SEPTIN9: variants seen among roughly 807,000 people sequenced by gnomAD.
The protein encoded by SEPTIN9 is septin 9, also known as septin-9.
Under a neutral mutation model 56.6 loss-of-function variants are expected in SEPTIN9, and 13 were observed. The ratio of observed to expected loss-of-function variants is 0.23; its 90% CI spans 0.15 to 0.37. SEPTIN9 has a LOEUF of 0.37. Ranked by LOEUF, SEPTIN9 falls within the 10% of genes least tolerant of loss-of-function variation. The probability of loss-of-function intolerance (pLI) is 1.00; values close to 1 mark genes in which losing one functional copy is unlikely to be tolerated. For synonymous variants in SEPTIN9, 332 were observed against 334.1 expected (o/e 0.99, Z 0.07); for missense variants, 650 against 823.1 (o/e 0.79, Z 2.57).
intron 3 of SEPTIN9, among the ~76,000 whole-genome samples, chr17:77,464,974 C>T (rs973116597): frequency 2.6e-5 from 4 of 152,196 alleles, no homozygotes; most frequent in Non-Finnish European, 5.9e-5. Context: ...AGAGACCCTG[C>T]CCCCATTAGC....
At position 77,390,552 on chromosome 17, in the gene SEPTIN9, C is replaced by T. The variant is rs374346014; in HGVS notation, c.77-11507C>T. 5.7e-4 allele frequency among the ~76,000 whole-genome samples: 85 copies of T among 148,266 alleles called. 1 individual carries two copies. In the South Asian group the frequency reaches 0.01, roughly 18 times the overall value. On this transcript the variant is annotated intron_variant, in intron 2 of 11. Coordinates refer to ENST00000427177, the MANE Select transcript of SEPTIN9 (RefSeq NM_001113491.2). ...CTGCAAGCTCCGCCTCCCGGGTTCA[C>T]GCCATTCTCCTGCCTCAGCCTCCCG...
At chr17:77,491,353 A>G (rs971681805) in intron 8 of SEPTIN9, among the ~76,000 whole-genome samples, 4 of 151,750 alleles carry the variant, frequency 2.6e-5, no homozygotes, top group Admixed American at 2.6e-4. Flanking sequence ...GCACACCACC[A>G]TGTCTGGCTA....
chr17:77,334,440 A>AAAAAAAAAAT (rs2033469284), intron 2 of SEPTIN9, among the ~76,000 whole-genome samples: 1 of 151,788 alleles, frequency 6.6e-6, no homozygotes. Context: ...AAAAAAAAAA[A>AAAAAAAAAAT]AATGTTGTTT....
intron 1 of SEPTIN9, among the ~76,000 whole-genome samples, chr17:77,304,819 C>G (rs1445999946): frequency 1.3e-5 from 2 of 152,106 alleles, no homozygotes; most frequent in Non-Finnish European, 2.9e-5. Context: ...GATAGTGACC[C>G]CGTGTGCGTT....
intron 3 of SEPTIN9, among the ~76,000 whole-genome samples, chr17:77,471,228 G>A (rs913462818): frequency 6.6e-6 from 1 of 152,114 alleles, no homozygotes; most frequent in African/African-American, 2.4e-5. Context: ...GGGTCATTTA[G>A]TCAGGCTCCT....
chr17:77,495,237 G>C (rs1324159802), intron 10 of SEPTIN9, among the ~76,000 whole-genome samples: 4 of 152,220 alleles, frequency 2.6e-5, no homozygotes, highest in Non-Finnish European at 4.4e-5. Flanking sequence ...ACTGGCTCCA[G>C]CTGAGGAAGA....
chr17:77,439,521 C>T (rs948057787), intron 3 of SEPTIN9, among the ~76,000 whole-genome samples: 2 of 152,186 alleles, frequency 1.3e-5, no homozygotes, highest in Admixed American at 1.3e-4. Context: ...GGCGTCCCCA[C>T]CTTGCCGCAG....
intron 10 of SEPTIN9, among the ~76,000 whole-genome samples, chr17:77,496,878 T>C (rs746021622): frequency 6.6e-5 from 10 of 152,216 alleles, no homozygotes; most frequent in Admixed American, 2.6e-4. Flanking sequence ...CCAGCTCCGA[T>C]TCCTGCTTCA....
Position 77,407,988 on chromosome 17 carries a change from C to A in SEPTIN9, c.721+5285C>A, listed in dbSNP as rs191550325. 3.7e-3 allele frequency among the ~76,000 whole-genome samples: 559 copies of A among 151,764 alleles called. 1 individual carries two copies. Among genetic ancestry groups the A allele is most frequent in the African/African-American group, 0.013 (528 of 41,424 alleles). ...TCAGAGCCCCCCCCACCAGAGTTACCCCCCTCCGGCTCCTCAGCCACACCA... is the reference window on the plus strand; with the variant it reads ...TCAGAGCCCCCCCCACCAGAGTTACACCCCTCCGGCTCCTCAGCCACACCA... On this transcript the variant is annotated intron_variant, in intron 3 of 11. Coordinates refer to ENST00000427177, the MANE Select transcript of SEPTIN9 (RefSeq NM_001113491.2).
intron 2 of SEPTIN9, among the ~76,000 whole-genome samples, chr17:77,312,596 ATGCTTTCCTGG>A (rs961064646): frequency 6.6e-6 from 1 of 152,162 alleles, no homozygotes; most frequent in Non-Finnish European, 1.5e-5. Flanking sequence ...CCACGGCGGG[ATGCTTTCCTGG>A]TGCGTGGCAG....
chr17:77,286,005 C>T (rs562574452), intron 1 of SEPTIN9, among the ~76,000 whole-genome samples: 2 of 152,246 alleles, frequency 1.3e-5, no homozygotes, highest in Non-Finnish European at 2.9e-5. Flanking sequence ...GTTTCTTCCT[C>T]TTCTCCCCCA....
In SEPTIN9 at chr17:77,475,575, C is replaced by G; in HGVS notation, c.722-6569C>G. The G allele has an allele frequency of 6.2e-7, 1 of 1,613,440 alleles. No homozygotes were observed. The highest frequency in any genetic ancestry group is 8.5e-7 in the Non-Finnish European group (1 of 1,179,830). On this transcript the variant is annotated intron_variant, in intron 3 of 11. Transcript: ENST00000427177. This position sits in a 1 kb window ranked among gnomAD's most constrained non-coding sequence, Gnocchi z 4.6. ...TGGCCGTAGGGCTGCCGCAGGGGTG[C>G]TGGCCCCAGGGTCTGGATTCAGGGG...
chr17:77,491,317 G>C (rs2040016045), intron 8 of SEPTIN9, among the ~76,000 whole-genome samples: 1 of 151,950 alleles, frequency 6.6e-6, no homozygotes, highest in African/African-American at 2.4e-5. Flanking sequence ...CCCAGGCTCA[G>C]TCCCCGAGTA....
rs1714096763 is a variant in SEPTIN9, at chr17:77,375,962, G to C, written c.77-26097G>C. 4 of 314,224 alleles carry C rather than the reference G, an allele frequency of 1.3e-5. No homozygotes were observed. In the Admixed American group the frequency reaches 2.6e-4, roughly 20 times the overall value. The allele number at this position is 314,224 out of a possible 1,614,324, so 19.5% of individuals were successfully genotyped here. A position where few individuals can be genotyped will look rare whatever the true frequency, so the allele number is the denominator to read the frequency against. The stretch of plus-strand genomic sequence containing the variant: ...CAACCTTGGGTGGACAGACAGACGT[G>C]GGGAAGGGATGATTGAAGGAGGTGG... On this transcript the variant is annotated intron_variant, in intron 2 of 11. Transcript: ENST00000427177.
chr17:77,350,771 G>C (rs2034034823), intron 2 of SEPTIN9, among the ~76,000 whole-genome samples: 1 of 152,232 alleles, frequency 6.6e-6, no homozygotes, highest in Non-Finnish European at 1.5e-5. Context: ...GGTGGGAACA[G>C]GAGGTGGGTA....
At position 77,435,042 on chromosome 17, in the gene SEPTIN9, T is replaced by C. The variant is rs1303624292; in HGVS notation, c.721+32339T>C. On this transcript the variant is annotated intron_variant, in intron 3 of 11. Transcript: ENST00000427177. The surrounding 1 kb of genome is among the most constrained non-coding windows in gnomAD (Gnocchi z 4.5). ...GGCTTCCTGAGGACCCCGAGCTGTCTTAAGGGCTCTTTACCTGGAGTAAGT... is the reference window on the plus strand; with the variant it reads ...GGCTTCCTGAGGACCCCGAGCTGTCCTAAGGGCTCTTTACCTGGAGTAAGT... Among the ~76,000 whole-genome samples the C allele has an allele frequency of 6.6e-6, 1 of 152,174 alleles. No individual in the cohort carries two copies. Among genetic ancestry groups the C allele is most frequent in the Non-Finnish European group, 1.5e-5 (1 of 68,026 alleles).
rs147676222 is a variant in SEPTIN9 at position 77,331,783 on chromosome 17, G to A, written c.76+24586G>A. 5.9e-3 allele frequency among the ~76,000 whole-genome samples: 897 copies of A among 152,328 alleles called. 14 individuals are homozygous for A. Among genetic ancestry groups the A allele is most frequent in the African/African-American group, 0.02 (820 of 41,588 alleles). On this transcript the variant is annotated intron_variant, in intron 2 of 11. Transcript: ENST00000427177. ...CAGGCACGGGGGTGCCTCCTTCCCC[G>A]CACAGGCACGGGGGGCCCGAGCCCT...
At chr17:77,283,737 A>G (rs1442574819) in intron 1 of SEPTIN9, among the ~76,000 whole-genome samples, 1 of 152,186 alleles carries the variant, frequency 6.6e-6, no homozygotes, top group Non-Finnish European at 1.5e-5. Flanking sequence ...GCCTCTGAAA[A>G]GGAGAAAGAT....
At chr17:77,366,772 A>G (rs905327068) in intron 2 of SEPTIN9, among the ~76,000 whole-genome samples, 4 of 152,192 alleles carry the variant, frequency 2.6e-5, no homozygotes, top group Non-Finnish European at 4.4e-5. Flanking sequence ...GGGGAACTCC[A>G]AGCTGATTCA....
Sources: gnomAD v4.1 joint callset for allele counts (sites outside exome capture counted in the v4.1 genomes callset) on GRCh38, gnomAD v4.1.1 for gene constraint, Gnocchi (gnomAD v3.1) non-coding constraint, MANE v1.5 for transcripts, NCBI Gene and HGNC (gene_info 2026-07-23, HGNC 2026-07-21) for gene names.